WDR41: variants seen among roughly 807,000 people sequenced by gnomAD.
WDR41 encodes WD repeat domain 41, also known as WD repeat-containing protein 41.
A neutral mutation model predicts 69.3 loss-of-function variants in WDR41; 63 were observed. That is an observed-to-expected ratio of 0.91 (90% CI 0.74 to 1.12). The LOEUF is 1.12. Among genes scored for constraint, WDR41 ranks in the 50% most tolerant of loss-of-function variants. The pLI is 0.00. For missense variants in WDR41, 543 were observed against 534.5 expected (o/e 1.02, Z -0.16); for synonymous variants, 185 against 192.1 (o/e 0.96, Z 0.31).
chr5:77,440,876 T>C lies in WDR41; in HGVS notation c.819A>G (p.Gln273=). Residue 273 remains glutamine, a synonymous_variant, in exon 9 of 13, where the codon CAA becomes CAG. Coordinates refer to ENST00000296679, the MANE Select transcript of WDR41 (RefSeq NM_018268.4). ...TTGATTTTTGACAGAGTTTTATTTCTTGTTGGGTGTCCAGTTGTGGAGATG... is the reference window on the plus strand; with the variant it reads ...TTGATTTTTGACAGAGTTTTATTTCCTGTTGGGTGTCCAGTTGTGGAGATG... ...WDPSPQLDTQ[Q]EIKLCQKSND... 6.2e-6 allele frequency: 10 copies of C among 1,614,222 alleles called. No homozygotes were observed. The highest frequency in any genetic ancestry group is 8.5e-6 in the Non-Finnish European group (10 of 1,180,040).
chr5:77,560,263 T>A lies in WDR41; in HGVS notation c.42+60216A>T, dbSNP rs1166518991. 1.3e-5 allele frequency among the ~76,000 whole-genome samples: 2 copies of A among 152,190 alleles called. 1 individual carries two copies. Among genetic ancestry groups the A allele is most frequent in the South Asian group, 4.1e-4 (2 of 4,830 alleles). On this transcript the variant is annotated intron_variant, in intron 1 of 5. Transcript: ENST00000509971. ...ATACCATAAGCACTAGCCCATCAGA[T>A]GTTAACAAAATCTGATATGCAACAG...
chr5:77,462,959 A>T, intron 4 of WDR41, 136 bp downstream of exon 4: 1 of 895,842 alleles, frequency 1.1e-6, no homozygotes, highest in Non-Finnish European at 1.6e-6. Context: ...ATGGTATCTT[A>T]TAAGTAACAG....
intron 8 of WDR41, among the ~76,000 whole-genome samples, chr5:77,444,885 A>G (rs1159680909): frequency 1.3e-5 from 2 of 152,220 alleles, no homozygotes; most frequent in Non-Finnish European, 2.9e-5. Context: ...AGAGTTTATA[A>G]AGTAAAAAGT....
At chr5:77,527,539 A>G (rs147133254) in intron 1 of WDR41, among the ~76,000 whole-genome samples, 11 of 152,040 alleles carry the variant, frequency 7.2e-5, no homozygotes, top group African/African-American at 2.6e-4. Context: ...ACCTACAATC[A>G]TGAATAGAAG....
intron 1 of WDR41, chr5:77,546,228 G>A (rs967199114): frequency 4.1e-5 from 16 of 390,784 alleles, no homozygotes; most frequent in Non-Finnish European, 5.1e-5. Context: ...TAGAGTCTCC[G>A]TGCAAAGGAC....
Position 77,480,313 on chromosome 5 carries a change from C to T in WDR41, c.167+9144G>A, listed in dbSNP as rs574614595. Reference sequence around the variant, plus strand: ...TAGAAATACCATTTGACCCAGCCATCCCATTACTGGGTATATACCCAAAGG... The same window carrying T: ...TAGAAATACCATTTGACCCAGCCATTCCATTACTGGGTATATACCCAAAGG... On this transcript the variant is annotated intron_variant, in intron 2 of 12. Coordinates refer to ENST00000296679, the MANE Select transcript of WDR41 (RefSeq NM_018268.4). The T allele has an allele frequency of 8.5e-5, 13 of 152,078 alleles. No individual in the cohort carries two copies. The East Asian group carries it at 2.5e-3, about 29-fold the overall frequency. 9.4% of individuals were successfully genotyped at this position (152,078 alleles called of 1,614,324 possible). A position where few individuals can be genotyped will look rare whatever the true frequency, so the allele number is the denominator to read the frequency against.
At chr5:77,578,472 C>T (rs1479359838) in intron 1 of WDR41, among the ~76,000 whole-genome samples, 1 of 151,976 alleles carries the variant, frequency 6.6e-6, no homozygotes, top group African/African-American at 2.4e-5. Flanking sequence ...AAAATATGGC[C>T]CATACATCTG....
intron 1 of WDR41, among the ~76,000 whole-genome samples, chr5:77,536,821 G>T (rs137926790): frequency 5.5e-4 from 83 of 152,202 alleles, no homozygotes; most frequent in African/African-American, 1.9e-3. Flanking sequence ...TATGATGTTC[G>T]CACCATGATG....
chr5:77,478,449 C>T (rs1000762306), intron 2 of WDR41, among the ~76,000 whole-genome samples: 1 of 152,138 alleles, frequency 6.6e-6, no homozygotes, highest in Non-Finnish European at 1.5e-5. Context: ...AAACCGAATC[C>T]AGCAGCACAT....
At chr5:77,572,205 C>T (rs1030836135) in intron 1 of WDR41, among the ~76,000 whole-genome samples, 3 of 152,194 alleles carry the variant, frequency 2.0e-5, no homozygotes, top group African/African-American at 7.2e-5. Context: ...TAACAATGCA[C>T]ATCCATTGTA....
chr5:77,495,190 A>T (rs149454641), upstream of WDR41, among the ~76,000 whole-genome samples: 1 of 152,176 alleles, frequency 6.6e-6, no homozygotes, highest in East Asian at 1.9e-4. Context: ...AAGATCTAAA[A>T]TCAATAACCT....
chr5:77,482,636 C>G (rs1169279353), intron 2 of WDR41, among the ~76,000 whole-genome samples: 1 of 152,028 alleles, frequency 6.6e-6, no homozygotes. Context: ...AAGACCACCC[C>G]AAAGGCAGAT....
chr5:77,522,660 T>G (rs931412799), intron 1 of WDR41, among the ~76,000 whole-genome samples: 10 of 151,054 alleles, frequency 6.6e-5, no homozygotes, highest in African/African-American at 2.4e-4. Flanking sequence ...AAGAAAGAAA[T>G]GGAAACAACC....
At chr5:77,607,935 G>C (rs2112334320) in intron 1 of WDR41, among the ~76,000 whole-genome samples, 1 of 152,154 alleles carries the variant, frequency 6.6e-6, no homozygotes, top group South Asian at 2.1e-4. Context: ...AAACTTTATA[G>C]AACTACTTTT....
chr5:77,586,392 T>C (rs899575194), intron 1 of WDR41, among the ~76,000 whole-genome samples: 2 of 152,086 alleles, frequency 1.3e-5, no homozygotes, highest in Non-Finnish European at 2.9e-5. Flanking sequence ...CTGTAGCCTC[T>C]ACCTTCTGGA....
At chr5:77,549,989 T>C (rs904627307) in intron 1 of WDR41, among the ~76,000 whole-genome samples, 30 of 151,628 alleles carry the variant, frequency 2.0e-4, no homozygotes, top group African/African-American at 7.3e-4. Context: ...AAATAAACAA[T>C]GGATAAAGGA....
intron 1 of WDR41, among the ~76,000 whole-genome samples, chr5:77,559,009 G>A (rs1325938286): frequency 1.3e-5 from 2 of 152,152 alleles, no homozygotes; most frequent in Non-Finnish European, 2.9e-5. Flanking sequence ...TTCACTTCTT[G>A]TAAAAGGGTC....
Position 77,488,639 on chromosome 5 carries a change from ACGG to A in WDR41, c.167+815_167+817del, listed in dbSNP as rs1407709553. ...ACAGAAATGAGGTTGGGGGATTAGG[ACGG>A]CATTCAATGTGGATGCTTAGTAGTC... On this transcript the variant is annotated intron_variant, in intron 2 of 12. Coordinates refer to ENST00000296679, the MANE Select transcript of WDR41 (RefSeq NM_018268.4). Among the ~76,000 whole-genome samples the A allele has an allele frequency of 3.3e-5, 5 of 152,260 alleles. No homozygotes were observed. In the East Asian group the frequency reaches 9.7e-4, roughly 29 times the overall value.
intron 2 of WDR41, among the ~76,000 whole-genome samples, chr5:77,477,071 T>C (rs9688013): frequency 0.6 from 85,845 of 143,740 alleles, 27,355 homozygotes; most frequent in African/African-American, 0.82. Flanking sequence ...TCAAAAGAGA[T>C]AAAGAAGGCC....
Sources: allele counts gnomAD v4.1 joint callset (sites outside exome capture counted in the v4.1 genomes callset), GRCh38; gene constraint gnomAD v4.1.1; transcripts MANE v1.5; gene names NCBI Gene and HGNC (gene_info 2026-07-23, HGNC 2026-07-21).